Variants in GSN observed in about 807,000 individuals in gnomAD.
GSN encodes the protein gelsolin, also known as actin-depolymerizing factor.
A neutral mutation model predicts 85.7 loss-of-function variants in GSN; 56 were observed. The observed-to-expected ratio is 0.65, with a 90% CI of 0.53 to 0.82. GSN has a LOEUF of 0.82. GSN is among the 40% of genes least tolerant of loss of function. The probability of loss-of-function intolerance (pLI) is 0.00; values close to 1 mark genes in which losing one functional copy is unlikely to be tolerated. For synonymous variants in GSN, 373 were observed against 399.1 expected, an observed-to-expected ratio of 0.93 and a Z score of 0.78; for missense variants, 857 against 979.8, an observed-to-expected ratio of 0.87 and a Z score of 1.67.
intron 6 of GSN, among the ~76,000 whole-genome samples, chr9:121,253,194 C>T (rs2054876468): frequency 6.6e-6 from 1 of 152,212 alleles, no homozygotes; most frequent in Admixed American, 6.5e-5. Context: ...AATAGCATCA[C>T]ATTGGGGTTA....
rs2064094652 is a variant in GSN, at chr9:121,332,706, G to GTGTA, written c.*106_*107insATGT. On this transcript the variant is annotated 3_prime_UTR_variant, in exon 18 of 18. Coordinates refer to ENST00000432226, the MANE Select transcript of GSN (RefSeq NM_198252.3). This position sits in a 1 kb window ranked among gnomAD's most constrained non-coding sequence, Gnocchi z 4.8. ...CAGAGCAGCTCTGCTATGAGTGTGT[G>GTGTA]TGTGTGTGTGTGTTGTTTCTTTTTT... 1 of 761,822 alleles carries GTGTA rather than the reference G, an allele frequency of 1.3e-6. No homozygotes were observed. The highest frequency in any genetic ancestry group is 2.9e-5 in the Admixed American group (1 of 34,458). The allele number at this position is 761,822 out of a possible 1,614,324, so 47.2% of individuals were successfully genotyped here.
chr9:121,329,225 C>T lies in GSN; in HGVS notation c.1888-13C>T, dbSNP rs757988724. On this transcript the variant is annotated splice_polypyrimidine_tract_variant and intron_variant, in intron 15 of 17. Transcript: ENST00000432226. The surrounding 1 kb of genome is among the most constrained non-coding windows in gnomAD (Gnocchi z 4.6). The stretch of plus-strand genomic sequence containing the variant: ...GGAAGACATCTCACTGATGCTCTTT[C>T]GTTCCTTCCCAGATCGAAGAGGTTC... The T allele has an allele frequency of 1.6e-5, 26 of 1,597,150 alleles. No homozygotes were observed. Among genetic ancestry groups the T allele is most frequent in the Middle Eastern group, 1.7e-4 (1 of 6,048 alleles).
intron 5 of GSN, among the ~76,000 whole-genome samples, chr9:121,247,061 G>A (rs1190581593): frequency 6.6e-6 from 1 of 152,220 alleles, no homozygotes; most frequent in Non-Finnish European, 1.5e-5. Context: ...ATGAGATCAT[G>A]AATGGGTGCA....
intron 10 of GSN, 138 bp from the exon 11 acceptor site, chr9:121,321,127 ATTT>A: frequency 1.1e-6 from 1 of 940,756 alleles, no homozygotes; most frequent in South Asian, 1.3e-5. Flanking sequence ...TGGGCAAACC[ATTT>A]AACTCCAGTC....
At chr9:121,212,853 T>C (rs2053992714) in intron 4 of GSN, among the ~76,000 whole-genome samples, 1 of 152,108 alleles carries the variant, frequency 6.6e-6, no homozygotes, top group Non-Finnish European at 1.5e-5. Context: ...TTCGCCATGT[T>C]GGCCAGGCTG....
At chr9:121,202,733 CAT>C in the GSN span, among the ~76,000 whole-genome samples, 2 of 152,162 alleles carry the variant, frequency 1.3e-5, no homozygotes, top group African/African-American at 2.4e-5. Flanking sequence ...AAATATTTAA[CAT>C]ATTTTACAAC....
At position 121,318,285 on chromosome 9, in the gene GSN, C is replaced by A; in HGVS notation, c.887-121C>A. ...TCTGGGGGTCTCTGGCCTTGGCTGTCCACAGTCTAAGAAGAGTAGGGAGGG... is the reference window on the plus strand; with the variant it reads ...TCTGGGGGTCTCTGGCCTTGGCTGTACACAGTCTAAGAAGAGTAGGGAGGG... On this transcript the variant is annotated intron_variant, in intron 8 of 17. Coordinates refer to ENST00000432226, the MANE Select transcript of GSN (RefSeq NM_198252.3). This position sits in a 1 kb window ranked among gnomAD's most constrained non-coding sequence, Gnocchi z 4.3. 1.2e-6 allele frequency: 1 copy of A among 856,030 alleles called. No homozygotes were observed. The highest frequency in any genetic ancestry group is 2.0e-6 in the Non-Finnish European group (1 of 496,234). 53.0% of individuals were successfully genotyped at this position (856,030 alleles called of 1,614,324 possible). A position where few individuals can be genotyped will look rare whatever the true frequency, so the allele number is the denominator to read the frequency against.
intron 5 of GSN, among the ~76,000 whole-genome samples, chr9:121,235,975 A>T (rs920601026): frequency 6.6e-6 from 1 of 152,224 alleles, no homozygotes; most frequent in African/African-American, 2.4e-5. Context: ...ATAACAAAGT[A>T]TCATGAACTG....
At chr9:121,314,579 A>G (rs2061513318) in intron 7 of GSN, among the ~76,000 whole-genome samples, 1 of 152,168 alleles carries the variant, frequency 6.6e-6, no homozygotes, top group Admixed American at 6.5e-5. Flanking sequence ...CAAAAAGGGG[A>G]TGTCGATTTT....
Position 121,332,447 on chromosome 9 carries a change from C to G in GSN, c.2040C>G (p.Ile680Met), listed in dbSNP as rs758909359. 6.2e-7 allele frequency: 1 copy of G among 1,614,096 alleles called. No individual in the cohort carries two copies. ...TEALTSAKRY[I>M]ETDPANRDRR... ...GTGTGTCTGCAGCTAAGCGGTACATCGAGACGGACCCAGCCAATCGGGATC... is the reference window on the plus strand; with the variant it reads ...GTGTGTCTGCAGCTAAGCGGTACATGGAGACGGACCCAGCCAATCGGGATC... Residue 680 changes from isoleucine (I) to methionine (M), a missense_variant, in exon 18 of 18, where the codon ATC (isoleucine) becomes ATG (methionine). Physicochemically the swap from Ile to Met is conservative, Grantham distance 10. Coordinates refer to ENST00000432226, the MANE Select transcript of GSN (RefSeq NM_198252.3). This position sits in a 1 kb window ranked among gnomAD's most constrained non-coding sequence, Gnocchi z 4.8.
At chr9:121,234,923 G>A (rs899294665) in intron 5 of GSN, among the ~76,000 whole-genome samples, 1 of 152,198 alleles carries the variant, frequency 6.6e-6, no homozygotes, top group Non-Finnish European at 1.5e-5. Flanking sequence ...GTTCCAGATG[G>A]AGTTAGTTCC....
chr9:121,239,553 A>G (rs1365080831), intron 5 of GSN: 1 of 283,666 alleles, frequency 3.5e-6, no homozygotes, highest in Non-Finnish European at 7.0e-6. Context: ...CCAGCAGCAG[A>G]GAAGATAAAA....
rs767818971 is a variant in GSN, at chr9:121,317,166, G to C, written c.834G>C (p.Glu278Asp). Reference sequence around the variant, plus strand: ...TCGCCCAGGGGGCCCTGAAGTCAGAGGACTGCTTCATCCTGGACCACGGCA... The same window carrying C: ...TCGCCCAGGGGGCCCTGAAGTCAGACGACTGCTTCATCCTGGACCACGGCA... ...NPFAQGALKSEDCFILDHGKD... is the reference protein window; with the variant it reads ...NPFAQGALKSDDCFILDHGKD... Residue 278 changes from glutamate (E) to aspartate (D), a missense_variant, in exon 8 of 18, where the codon GAG becomes GAC. By Grantham distance (45) the Glu-to-Asp change is conservative (BLOSUM62 2). Coordinates refer to ENST00000432226, the MANE Select transcript of GSN (RefSeq NM_198252.3). 2.5e-6 allele frequency: 4 copies of C among 1,614,178 alleles called. 1 individual carries two copies. In the South Asian group the frequency reaches 4.4e-5, roughly 18 times the overall value.
intron 4 of GSN, among the ~76,000 whole-genome samples, chr9:121,215,809 TATA>T (rs1237689276): frequency 2.6e-5 from 4 of 152,084 alleles, no homozygotes; most frequent in Admixed American, 1.3e-4. Flanking sequence ...GAAAATTAAT[TATA>T]ATGTTTATGA....
chr9:121,280,529 G>C (rs1007944431), intron 1 of GSN: 3 of 152,218 alleles, frequency 2.0e-5, no homozygotes, highest in Admixed American at 2.0e-4. Flanking sequence ...TGATGCTGAG[G>C]TACAGAGCTG....
At chr9:121,212,828 TAGTAG>T in intron 4 of GSN, among the ~76,000 whole-genome samples, 1 of 152,102 alleles carries the variant, frequency 6.6e-6, no homozygotes, top group South Asian at 2.1e-4. Context: ...ATATTTTTTT[TAGTAG>T]AGTAGGGGTT....
intron 6 of GSN, among the ~76,000 whole-genome samples, chr9:121,259,845 C>T (rs763252594): frequency 2.8e-4 from 43 of 152,230 alleles, no homozygotes; most frequent in Non-Finnish European, 5.7e-4. Flanking sequence ...TCACAGCTTG[C>T]TGCTGAAGAT....
chr9:121,331,463 G>C lies in GSN; in HGVS notation c.2026+15G>C, dbSNP rs2063882362. On this transcript the variant is annotated intron_variant, in intron 17 of 17. Coordinates refer to ENST00000432226, the MANE Select transcript of GSN (RefSeq NM_198252.3). Reference sequence around the variant, plus strand: ...CTTGACTTCTGGTGAGGACCCGAGTGCCTGGGGGCGGGGGGAGGGGTCCGT... The same window carrying C: ...CTTGACTTCTGGTGAGGACCCGAGTCCCTGGGGGCGGGGGGAGGGGTCCGT... 1 of 1,386,846 alleles carries C rather than the reference G, an allele frequency of 7.2e-7. No individual in the cohort carries two copies. The highest frequency in any genetic ancestry group is 2.5e-5 in the East Asian group (1 of 40,042). 85.9% of individuals were successfully genotyped at this position (1,386,846 alleles called of 1,614,324 possible).
intron 11 of GSN, among the ~76,000 whole-genome samples, chr9:121,323,371 G>GTTTTTT (rs59056849): frequency 0.016 from 1,924 of 117,650 alleles, 129 homozygotes; most frequent in African/African-American, 0.032. Flanking sequence ...TCCCATTACC[G>GTTTTTT]TTTTTTTTTT....
Sources: allele counts gnomAD v4.1 joint callset (sites outside exome capture counted in the v4.1 genomes callset), GRCh38; gene constraint gnomAD v4.1.1; non-coding constraint Gnocchi (gnomAD v3.1); transcripts MANE v1.5; gene names NCBI Gene and HGNC (gene_info 2026-07-23, HGNC 2026-07-21).